The following PREX1 variants were observed in gnomAD, a reference collection of about 807,000 sequenced individuals.
The protein encoded by PREX1 is phosphatidylinositol 3,4,5-trisphosphate-dependent Rac exchanger 1 protein.
A neutral mutation model predicts 198.3 loss-of-function variants in PREX1; 41 were observed. The ratio of observed to expected loss-of-function variants is 0.21; its 90% CI spans 0.16 to 0.27. PREX1 has a LOEUF of 0.27. Ranked by LOEUF, PREX1 falls within the 10% of genes least tolerant of loss-of-function variation. The pLI is 1.00. For missense variants in PREX1, 1,620 were observed against 2,200.7 expected (o/e 0.74, Z 5.28); for synonymous variants, 843 against 887.2 (o/e 0.95, Z 0.89).
chr20:48,655,249 T>C, intron 19 of PREX1, 41 bp downstream of exon 19: 1 of 1,483,762 alleles, frequency 6.7e-7, no homozygotes, highest in Non-Finnish European at 9.3e-7. Flanking sequence ...AGATCCACCA[T>C]CTTCTGCACC....
At chr20:48,695,907 C>G (rs2089842722) in intron 7 of PREX1, among the ~76,000 whole-genome samples, 1 of 152,188 alleles carries the variant, frequency 6.6e-6, no homozygotes, top group Non-Finnish European at 1.5e-5. Context: ...TGTATACAAA[C>G]AAATGGGCAT....
chr20:48,878,348 C>CT, the PREX1 span, among the ~76,000 whole-genome samples: 10 of 151,086 alleles, frequency 6.6e-5, no homozygotes, highest in South Asian at 2.1e-4. Context: ...TCCCCTTTTT[C>CT]TTTTTTTTTG....
intron 1 of PREX1, among the ~76,000 whole-genome samples, chr20:48,780,944 C>T (rs981677257): frequency 6.6e-6 from 1 of 152,160 alleles, no homozygotes; most frequent in Non-Finnish European, 1.5e-5. Context: ...TCACATGCCC[C>T]CTGATTAAAA....
chr20:48,733,524 G>T (rs946611379), intron 4 of PREX1, among the ~76,000 whole-genome samples: 2 of 152,164 alleles, frequency 1.3e-5, no homozygotes, highest in Admixed American at 1.3e-4. Context: ...GGAGCTGCTG[G>T]AGGCCACCCT....
intron 5 of PREX1, among the ~76,000 whole-genome samples, chr20:48,713,713 A>G (rs2123100140): frequency 6.6e-6 from 1 of 151,280 alleles, no homozygotes; most frequent in South Asian, 2.1e-4. Flanking sequence ...CTCCAGCCTG[A>G]GTGACAGAAC....
the PREX1 span, among the ~76,000 whole-genome samples, chr20:48,838,993 CAAAAAAAAAAAAAA>C: frequency 3.9e-4 from 9 of 23,042 alleles, no homozygotes; most frequent in East Asian, 0.011. Flanking sequence ...GACTCTGTCT[CAAAAAAAAAAAAAA>C]AAAAAAAAAA....
intron 33 of PREX1, among the ~76,000 whole-genome samples, chr20:48,634,186 GGATGGATGGATGGATA>G (rs2089342809): frequency 7.8e-6 from 1 of 128,072 alleles, no homozygotes; most frequent in Non-Finnish European, 1.8e-5. Context: ...ATGGATGGAT[GGATGGATGGATGGATA>G]AATAAATGGG....
chr20:48,856,720 C>G, the PREX1 span, among the ~76,000 whole-genome samples: 1 of 152,228 alleles, frequency 6.6e-6, no homozygotes, highest in African/African-American at 2.4e-5. Context: ...GGAAAAACAA[C>G]AGTTTGCAAA....
At chr20:48,771,494 G>A (rs753236949) in intron 1 of PREX1, among the ~76,000 whole-genome samples, 1 of 151,982 alleles carries the variant, frequency 6.6e-6, no homozygotes, top group Non-Finnish European at 1.5e-5. Context: ...AGTTCTAGCC[G>A]GGCGTGGTGG....
In PREX1 at chr20:48,691,314, CA is replaced by C. The variant is rs761309726; in HGVS notation, c.1037-219del. ...AAGACCCCTCTCAACCACTCAATGACAGGGGGCTTCATTTTAAGACCTTGCA... is the reference window on the plus strand; with the variant it reads ...AAGACCCCTCTCAACCACTCAATGACGGGGGCTTCATTTTAAGACCTTGCA... On this transcript the variant is annotated intron_variant, in intron 8 of 39. Coordinates refer to ENST00000371941, the MANE Select transcript of PREX1 (RefSeq NM_020820.4). The surrounding 1 kb of genome is among the most constrained non-coding windows in gnomAD (Gnocchi z 5.0). Among the ~76,000 whole-genome samples the C allele has an allele frequency of 6.6e-6, 1 of 152,192 alleles. No homozygotes were observed. Among genetic ancestry groups the C allele is most frequent in the African/African-American group, 2.4e-5 (1 of 41,448 alleles).
At chr20:48,775,873 G>A (rs188648740) in intron 1 of PREX1, among the ~76,000 whole-genome samples, 17 of 152,276 alleles carry the variant, frequency 1.1e-4, no homozygotes, top group Admixed American at 1.3e-4. Flanking sequence ...ATTGCCCAGT[G>A]TCGGGTATGT....
chr20:48,732,845 G>T (rs543033710), intron 4 of PREX1, among the ~76,000 whole-genome samples: 1 of 152,212 alleles, frequency 6.6e-6, no homozygotes, highest in South Asian at 2.1e-4. Flanking sequence ...AAAGGAGAAG[G>T]GTATGCTCTC....
intron 1 of PREX1, among the ~76,000 whole-genome samples, chr20:48,772,402 C>CTG (rs1195851232): frequency 1.3e-5 from 2 of 152,168 alleles, no homozygotes; most frequent in Non-Finnish European, 2.9e-5. Context: ...AGGCCGGCCC[C>CTG]TGTCCCTGTG....
chr20:48,853,624 A>G, the PREX1 span, among the ~76,000 whole-genome samples: 4 of 152,202 alleles, frequency 2.6e-5, no homozygotes, highest in Admixed American at 6.5e-5. Context: ...CCATATCAGT[A>G]GGATACCTTC....
At chr20:48,727,519 T>C (rs2090015529) in intron 4 of PREX1, among the ~76,000 whole-genome samples, 1 of 152,174 alleles carries the variant, frequency 6.6e-6, no homozygotes, top group Non-Finnish European at 1.5e-5. Flanking sequence ...GAGCTAATCA[T>C]GTGTCCAGCA....
chr20:48,822,590 T>C (rs2090491024), intron 1 of PREX1, among the ~76,000 whole-genome samples: 1 of 152,232 alleles, frequency 6.6e-6, no homozygotes, highest in Non-Finnish European at 1.5e-5. Context: ...ATAACCATGT[T>C]GAAAATACAA....
chr20:48,726,516 G>A (rs748694901), intron 4 of PREX1, 125 bp from the exon 5 acceptor site: 28 of 695,386 alleles, frequency 4.0e-5, no homozygotes, highest in South Asian at 8.7e-5. Flanking sequence ...TTAGCGACCC[G>A]TAGAAGTGAA....
At chr20:48,735,524 T>C (rs2090053514) in intron 3 of PREX1, among the ~76,000 whole-genome samples, 1 of 152,098 alleles carries the variant, frequency 6.6e-6, no homozygotes, top group South Asian at 2.1e-4. Context: ...GTGTGCATCA[T>C]CTGAGCAGAC....
Sources: gnomAD v4.1 joint callset for allele counts (sites outside exome capture counted in the v4.1 genomes callset) on GRCh38, gnomAD v4.1.1 for gene constraint, Gnocchi (gnomAD v3.1) non-coding constraint, MANE v1.5 for transcripts, NCBI Gene and HGNC (gene_info 2026-07-23, HGNC 2026-07-21) for gene names.